Variants in DSP observed in about 807,000 individuals in gnomAD.
The protein encoded by DSP is 250/210 kDa paraneoplastic pemphigus antigen.
A neutral mutation model predicts 290.6 loss-of-function variants in DSP; 114 were observed. That is an observed-to-expected ratio of 0.39 (90% confidence interval 0.34 to 0.46). The LOEUF (loss-of-function observed/expected upper bound fraction) is 0.46, where lower values mean the gene tolerates loss of function less well. DSP is among the 20% of genes least tolerant of loss of function. The pLI, the probability that DSP is intolerant of heterozygous loss-of-function variation, is 0.99. For missense variants in DSP, 3,230 were observed against 3,495.8 expected (o/e 0.92, Z 1.92); for synonymous variants, 1,311 against 1,316.4 (o/e 1.00, Z 0.09).
intron 9 of DSP, 121 bp from the exon 10 acceptor site, chr6:7,567,660 T>A: frequency 6.7e-7 from 1 of 1,498,208 alleles, no homozygotes; most frequent in Non-Finnish European, 9.2e-7. Flanking sequence ...TCTGCACGAA[T>A]TTTTTCCTTT....
At position 7,584,782 on chromosome 6, in the gene DSP, C is replaced by T; in HGVS notation, c.7520C>T (p.Thr2507Ile). ...CEQECEWEEITITGSDGSTRV... is the reference protein window; with the variant it reads ...CEQECEWEEIIITGSDGSTRV... ...CAGGAATGTGAATGGGAAGAAATAA[C>T]CATCACGGGATCAGATGGCTCCACC... Residue 2507 changes from threonine (T) to isoleucine (I), a missense_variant, in exon 24 of 24, where the codon ACC becomes ATC. This residue lies in a region of DSP where 582 missense variants were observed against 555.4 expected (regional missense o/e 1.05). Transcript: ENST00000379802. This position sits in a 1 kb window ranked among gnomAD's most constrained non-coding sequence, Gnocchi z 6.4. 1.2e-6 allele frequency: 2 copies of T among 1,614,198 alleles called. No homozygotes were observed. The highest frequency in any genetic ancestry group is 1.7e-6 in the Non-Finnish European group (2 of 1,180,036).
In DSP at chr6:7,571,371, G is replaced by A. The variant is rs1759045119; in HGVS notation, c.1702-12G>A. 2.5e-6 allele frequency: 4 copies of A among 1,614,096 alleles called. No individual in the cohort carries two copies. Among genetic ancestry groups the A allele is most frequent in the African/African-American group, 2.7e-5 (2 of 75,024 alleles). The stretch of plus-strand genomic sequence containing the variant: ...CATAAATCCCAAATCACTTCTGCCT[G>A]TCTCCTTTCAGCTGAAAACAATGCG... On this transcript the variant is annotated splice_polypyrimidine_tract_variant and intron_variant, in intron 13 of 23. Coordinates refer to ENST00000379802, the MANE Select transcript of DSP (RefSeq NM_004415.4).
chr6:7,581,771 A>T (rs995329190), intron 23 of DSP, among the ~76,000 whole-genome samples: 1 of 152,146 alleles, frequency 6.6e-6, no homozygotes, highest in African/African-American at 2.4e-5. Flanking sequence ...CTGTTCTTTA[A>T]TTGCATCAAA....
rs1759184963 is a variant in DSP at position 7,574,805 on chromosome 6, A to G, written c.2436+10A>G. ...CCGCTGTGGACTGAAGGTAACTTGAAAGCTTATAACAGTGGCCCAACTTAC... is the reference window on the plus strand; with the variant it reads ...CCGCTGTGGACTGAAGGTAACTTGAGAGCTTATAACAGTGGCCCAACTTAC... On this transcript the variant is annotated intron_variant, in intron 17 of 23. Transcript: ENST00000379802. 1.2e-6 allele frequency: 2 copies of G among 1,614,168 alleles called. No individual in the cohort carries two copies. Among genetic ancestry groups the G allele is most frequent in the East Asian group, 4.5e-5 (2 of 44,870 alleles).
intron 1 of DSP, among the ~76,000 whole-genome samples, chr6:7,547,470 C>T (rs889533286): frequency 6.6e-6 from 1 of 152,098 alleles, no homozygotes; most frequent in African/African-American, 2.4e-5. Flanking sequence ...CTCTGTGGCT[C>T]AGGCTGGAGT....
At chr6:7,569,438 C>A in intron 12 of DSP, 98 bp downstream of exon 12, 2 of 1,568,318 alleles carry the variant, frequency 1.3e-6, no homozygotes, top group Non-Finnish European at 1.8e-6. Context: ...ACACACGATG[C>A]CTTGCCATAA....
intron 18 of DSP, 49 bp from the exon 19 acceptor site, chr6:7,576,245 T>A (rs1759235870): frequency 6.3e-7 from 1 of 1,594,320 alleles, no homozygotes; most frequent in African/African-American, 1.3e-5. Context: ...ATGTTACATA[T>A]TTTAGGAACT....
intron 11 of DSP, among the ~76,000 whole-genome samples, chr6:7,568,790 T>G (rs1287436332): frequency 6.6e-6 from 1 of 152,258 alleles, no homozygotes; most frequent in African/African-American, 2.4e-5. Flanking sequence ...GGACAGTAGT[T>G]ATTTTTAGAA....
intron 9 of DSP, 133 bp downstream of exon 9, chr6:7,567,582 T>A: frequency 8.8e-7 from 1 of 1,133,464 alleles, no homozygotes; most frequent in Non-Finnish European, 1.3e-6. Context: ...GAGTGCAGAG[T>A]AGCATAGATT....
Position 7,569,266 on chromosome 6 carries a change from C to T in DSP, c.1500C>T (p.Gly500=), listed in dbSNP as rs762086998. The stretch of plus-strand genomic sequence containing the variant: ...AGTGGTACGTGACGGGCCCGGGAGG[C>T]GTTGACATGCTTGTTCCCTCTGTGG... ...RSKWYVTGPG[G]VDMLVPSVGL... Residue 500 remains glycine, a synonymous_variant, in exon 12 of 24, where the codon GGC becomes GGT. Transcript: ENST00000379802. 3 of 1,614,006 alleles carry T rather than the reference C, an allele frequency of 1.9e-6. No individual in the cohort carries two copies. The highest frequency in any genetic ancestry group is 2.2e-5 in the East Asian group (1 of 44,888).
chr6:7,573,109 T>TA (rs1459076555), intron 15 of DSP, among the ~76,000 whole-genome samples: 6 of 150,012 alleles, frequency 4.0e-5, no homozygotes, highest in African/African-American at 1.2e-4. Flanking sequence ...CCCTTCTCTT[T>TA]AAAAAAAAAT....
intron 1 of DSP, among the ~76,000 whole-genome samples, chr6:7,549,907 CAA>C (rs950625461): frequency 9.8e-5 from 15 of 152,292 alleles, no homozygotes; most frequent in South Asian, 4.1e-4. Context: ...TTTTATAAAA[CAA>C]AGAGAGTAAC....
intron 1 of DSP, among the ~76,000 whole-genome samples, chr6:7,545,355 A>C (rs973988889): frequency 6.6e-6 from 1 of 152,204 alleles, no homozygotes; most frequent in African/African-American, 2.4e-5. Context: ...GAAACCCCAC[A>C]CGCACACTTC....
chr6:7,546,829 T>C (rs1169346340), intron 1 of DSP, among the ~76,000 whole-genome samples: 1 of 152,206 alleles, frequency 6.6e-6, no homozygotes, highest in East Asian at 1.9e-4. Context: ...GCCAACTAAT[T>C]GTTAGTCAGA....
Position 7,562,732 on chromosome 6 carries a change from C to G in DSP, c.678C>G (p.Asn226Lys), listed in dbSNP as rs1186192936. The change falls in exon 5 of 24, where the codon AAC becomes AAG. Residue 226 changes from asparagine to lysine, a missense_variant. Asn to Lys is a moderately conservative substitution (Grantham distance 94). Around this residue, in one of 5 missense-constraint regions of DSP, gnomAD observed 646 missense variants for 684.3 expected, o/e 0.94. Coordinates refer to ENST00000379802, the MANE Select transcript of DSP (RefSeq NM_004415.4). Reference sequence around the variant, plus strand: ...TTAACAGCCACCGGGGCATCCACAACTCCATCGGCGACTATCGCTGGCAGC... The same window carrying G: ...TTAACAGCCACCGGGGCATCCACAAGTCCATCGGCGACTATCGCTGGCAGC... ...QHINSHRGIH[N>K]SIGDYRWQLD... 7.4e-6 allele frequency: 12 copies of G among 1,614,188 alleles called. No homozygotes were observed. Among genetic ancestry groups the G allele is most frequent in the Non-Finnish European group, 1.0e-5 (12 of 1,180,028 alleles).
In DSP at chr6:7,567,954, A is replaced by G. The variant is rs139062994; in HGVS notation, c.1266+48A>G. ...TCAGCAGCTGTGCCTGATCAGGGAG[A>G]TAAAACACATGCCTTGGATGCAGTT... On this transcript the variant is annotated intron_variant, in intron 10 of 23. Coordinates refer to ENST00000379802, the MANE Select transcript of DSP (RefSeq NM_004415.4). The G allele has an allele frequency of 6.9e-4, 1,117 of 1,607,960 alleles. 3 individuals are homozygous for G. The African/African-American group carries it at 7.3e-3, about 11-fold the overall frequency.
rs2113679728 is a variant in DSP at position 7,571,861 on chromosome 6, T to A, written c.1923T>A (p.Thr641=). 1 of 1,613,146 alleles carries A rather than the reference T, an allele frequency of 6.2e-7. No individual in the cohort carries two copies. Among genetic ancestry groups the A allele is most frequent in the Middle Eastern group, 1.6e-4 (1 of 6,062 alleles). Residue 641 remains threonine (T), a synonymous_variant, in exon 15 of 24, where the codon ACT becomes ACA. Coordinates refer to ENST00000379802, the MANE Select transcript of DSP (RefSeq NM_004415.4). The part of the protein sequence containing the change: ...QHQTVTTTEI[T]HHGTCQDVNH... ...TTACAGTGACCACAACTGAAATCAC[T>A]CATCATGGAACCTGCCAAGATGTCA...
At chr6:7,547,221 A>G (rs1179728523) in intron 1 of DSP, among the ~76,000 whole-genome samples, 2 of 152,068 alleles carry the variant, frequency 1.3e-5, no homozygotes, top group African/African-American at 4.8e-5. Flanking sequence ...TCACGGCCCC[A>G]CAGATCCTAA....
intron 1 of DSP, among the ~76,000 whole-genome samples, chr6:7,545,068 TC>T (rs1171905260): frequency 1.6e-4 from 24 of 152,302 alleles, no homozygotes; most frequent in Admixed American, 8.5e-4. Context: ...CACAGTTAGA[TC>T]TTTCTTTCAC....
Sources: allele counts gnomAD v4.1 joint callset (sites outside exome capture counted in the v4.1 genomes callset), GRCh38; gene constraint gnomAD v4.1.1; regional missense constraint gnomAD v4.1.1; non-coding constraint Gnocchi (gnomAD v3.1); transcripts MANE v1.5; gene names NCBI Gene and HGNC (gene_info 2026-07-23, HGNC 2026-07-21).